The following BCL7A variants were observed in gnomAD, a reference collection of about 807,000 sequenced individuals.
BCL7A encodes the protein B-cell CLL/lymphoma 7 protein family member A.
BCL7A carries 11 observed loss-of-function variants against 28.4 expected under a neutral mutation model. That is an observed-to-expected ratio of 0.39 (90% CI 0.24 to 0.64). The LOEUF is 0.64. Among genes scored for constraint, BCL7A ranks in the 30% least tolerant of loss-of-function variants. The pLI is 0.50. For missense variants in BCL7A, 222 were observed against 274.8 expected, an observed-to-expected ratio of 0.81 and a Z score of 1.36; for synonymous variants, 123 against 103.3, an observed-to-expected ratio of 1.19 and a Z score of -1.15.
At chr12:122,033,222 A>C (rs1417320203) in intron 2 of BCL7A, among the ~76,000 whole-genome samples, 1 of 151,216 alleles carries the variant, frequency 6.6e-6, no homozygotes, top group South Asian at 2.1e-4. Flanking sequence ...TGCAGCCTCG[A>C]CCTCCTGGGC....
intron 4 of BCL7A, among the ~76,000 whole-genome samples, chr12:122,051,936 C>T (rs1302262302): frequency 8.6e-6 from 1 of 116,958 alleles, no homozygotes. Flanking sequence ...TGCAGTGGTG[C>T]GATTTTCCGC....
intron 1 of BCL7A, among the ~76,000 whole-genome samples, chr12:122,027,057 C>T (rs910154526): frequency 4.6e-5 from 7 of 152,112 alleles, no homozygotes; most frequent in South Asian, 4.1e-4. Context: ...ACAGGAGGCG[C>T]GGGGCACACC....
At chr12:122,044,588 T>C (rs1308018022) in intron 4 of BCL7A, among the ~76,000 whole-genome samples, 3 of 151,960 alleles carry the variant, frequency 2.0e-5, no homozygotes, top group Non-Finnish European at 4.4e-5. Context: ...TTTGGAAGGC[T>C]GAAGCAGGAG....
intron 1 of BCL7A, among the ~76,000 whole-genome samples, chr12:122,022,473 C>T (rs952118122): frequency 1.8e-4 from 26 of 144,998 alleles, no homozygotes; most frequent in African/African-American, 4.4e-4. Context: ...GGCGGGGCGG[C>T]CCCCGCCGCG....
chr12:122,031,001 G>A (rs1354968054), intron 2 of BCL7A, among the ~76,000 whole-genome samples: 2 of 152,052 alleles, frequency 1.3e-5, no homozygotes, highest in Non-Finnish European at 2.9e-5. Flanking sequence ...TGGACGGGGG[G>A]ATCCCGCAAG....
intron 3 of BCL7A, among the ~76,000 whole-genome samples, chr12:122,037,365 G>T (rs1233704737): frequency 6.6e-6 from 1 of 152,226 alleles, no homozygotes; most frequent in Non-Finnish European, 1.5e-5. Context: ...GGAACTGGAA[G>T]GGAATATTGG....
chr12:122,024,290 T>G (rs549936680), intron 1 of BCL7A, among the ~76,000 whole-genome samples: 1 of 152,318 alleles, frequency 6.6e-6, no homozygotes, highest in East Asian at 1.9e-4. Flanking sequence ...GTCACTTCTC[T>G]AACCATGGTG....
chr12:122,047,532 A>G (rs1052689351), intron 4 of BCL7A, among the ~76,000 whole-genome samples: 1 of 151,718 alleles, frequency 6.6e-6, no homozygotes, highest in African/African-American at 2.4e-5. Flanking sequence ...TCAGAAAAAA[A>G]AAAAGAAAAA....
chr12:122,028,412 C>CT (rs79495913), intron 1 of BCL7A, among the ~76,000 whole-genome samples: 228 of 144,836 alleles, frequency 1.6e-3, no homozygotes, highest in African/African-American at 2.3e-3. Flanking sequence ...AAGTCAATTA[C>CT]TTTTTTTTTT....
chr12:122,046,060 TA>T (rs776315126), intron 4 of BCL7A, among the ~76,000 whole-genome samples: 368 of 62,854 alleles, frequency 5.9e-3, no homozygotes, highest in Non-Finnish European at 8.2e-3. Context: ...GAGACCTTGC[TA>T]AAAAAAAAAA....
chr12:122,050,122 G>T (rs115032877), intron 4 of BCL7A, among the ~76,000 whole-genome samples: 1 of 152,234 alleles, frequency 6.6e-6, no homozygotes, highest in South Asian at 2.1e-4. Context: ...GACTACAGGC[G>T]TGCATTTGCC....
rs1018997822 is a variant in BCL7A, at chr12:122,061,538, G to A, written c.*2375G>A. The A allele has an allele frequency of 2.6e-5, 6 of 231,844 alleles. No homozygotes were observed. The highest frequency in any genetic ancestry group is 1.1e-4 in the African/African-American group (5 of 45,214). The allele number at this position is 231,844 out of a possible 1,614,324, so 14.4% of individuals were successfully genotyped here. On this transcript the variant is annotated 3_prime_UTR_variant, in exon 6 of 6. Coordinates refer to ENST00000261822, the MANE Select transcript of BCL7A (RefSeq NM_001024808.3). ...ATGTGCTTCCTTCCCTGGCGCAGTCGCTCCTCGAGCCGCTGCCCCCCACCC... is the reference window on the plus strand; with the variant it reads ...ATGTGCTTCCTTCCCTGGCGCAGTCACTCCTCGAGCCGCTGCCCCCCACCC...
chr12:122,023,617 A>G (rs2135834808), intron 1 of BCL7A, among the ~76,000 whole-genome samples: 1 of 152,344 alleles, frequency 6.6e-6, no homozygotes, highest in African/African-American at 2.4e-5. Flanking sequence ...AGTGGGACAA[A>G]GAATTTTCAG....
chr12:122,044,179 T>G (rs898392063), intron 4 of BCL7A, 126 bp downstream of exon 4: 2 of 1,131,692 alleles, frequency 1.8e-6, no homozygotes, highest in Non-Finnish European at 1.2e-6. Flanking sequence ...TAAAGAGAGG[T>G]GACACCTGGA....
chr12:122,045,162 C>T (rs1884047067), intron 4 of BCL7A, among the ~76,000 whole-genome samples: 1 of 152,074 alleles, frequency 6.6e-6, no homozygotes, highest in Non-Finnish European at 1.5e-5. Flanking sequence ...AGGCGGATCA[C>T]TTGAGGTCAG....
intron 5 of BCL7A, among the ~76,000 whole-genome samples, chr12:122,058,476 T>C (rs945630577): frequency 6.6e-6 from 1 of 151,926 alleles, no homozygotes; most frequent in Non-Finnish European, 1.5e-5. Flanking sequence ...CTGGCCCACA[T>C]GGTGAAACCC....
intron 3 of BCL7A, among the ~76,000 whole-genome samples, chr12:122,043,473 C>G (rs1884001676): frequency 6.6e-6 from 1 of 151,906 alleles, no homozygotes; most frequent in Admixed American, 6.6e-5. Flanking sequence ...TATCCAGTAT[C>G]CAGACCCCTA....
intron 4 of BCL7A, among the ~76,000 whole-genome samples, chr12:122,045,814 C>T (rs1256376632): frequency 6.6e-6 from 1 of 151,744 alleles, no homozygotes; most frequent in Non-Finnish European, 1.5e-5. Context: ...CTGGGCTGGG[C>T]ACAGTAGCTT....
chr12:122,057,919 A>G (rs1285542597), intron 5 of BCL7A, among the ~76,000 whole-genome samples: 2 of 152,082 alleles, frequency 1.3e-5, no homozygotes, highest in African/African-American at 4.8e-5. Flanking sequence ...GCCAGGCATC[A>G]TGGCTCACAC....
Sources: allele counts gnomAD v4.1 joint callset (sites outside exome capture counted in the v4.1 genomes callset), GRCh38; gene constraint gnomAD v4.1.1; transcripts MANE v1.5; gene names NCBI Gene and HGNC (gene_info 2026-07-23, HGNC 2026-07-21).